Variants in B2M observed in about 807,000 individuals in gnomAD.
B2M encodes beta-2-microglobulin, also known as beta chain of MHC class I molecules.
Under a neutral mutation model 14.5 loss-of-function variants are expected in B2M, and 3 were observed. That is an observed-to-expected ratio of 0.21 (90% CI 0.09 to 0.53). B2M has a LOEUF of 0.53. Ranked by LOEUF, B2M falls within the 20% of genes least tolerant of loss-of-function variation. The pLI is 0.95. For missense variants in B2M, 107 were observed against 140.8 expected (o/e 0.76, Z 1.21); for synonymous variants, 45 against 52.7 (o/e 0.85, Z 0.64).
intron 3 of B2M, 23 bp from the exon 4 acceptor site, chr15:44,717,584 T>C (rs1290387382): frequency 6.6e-6 from 1 of 152,266 alleles, no homozygotes; most frequent in African/African-American, 2.4e-5. Flanking sequence ...AATTCATTGC[T>C]AACCTTTTTC....
Position 44,717,745 on chromosome 15 carries a change from A to G in B2M, c.*153A>G, listed in dbSNP as rs1160201401. On this transcript the variant is annotated 3_prime_UTR_variant, in exon 4 of 4. Coordinates refer to ENST00000648006, the MANE Select transcript of B2M (RefSeq NM_004048.4). Reference sequence around the variant, plus strand: ...TGTTAACATGGACATGATCTTCTTTATAATTCTACTTTGAGTGCTGTCTCC... The same window carrying G: ...TGTTAACATGGACATGATCTTCTTTGTAATTCTACTTTGAGTGCTGTCTCC... The G allele has an allele frequency of 1.3e-5, 2 of 152,200 alleles. No individual in the cohort carries two copies. Among genetic ancestry groups the G allele is most frequent in the African/African-American group, 4.8e-5 (2 of 41,436 alleles). 9.4% of individuals were successfully genotyped at this position (152,200 alleles called of 1,614,324 possible).
chr15:44,715,964 G>A (rs1198573367), intron 2 of B2M: 3 of 617,168 alleles, frequency 4.9e-6, no homozygotes, highest in Non-Finnish European at 5.7e-6. Flanking sequence ...AGCAGCACTT[G>A]CACAAATACA....
At chr15:44,713,728 C>G (rs755415131) in intron 1 of B2M, 3 of 152,148 alleles carry the variant, frequency 2.0e-5, no homozygotes, top group Non-Finnish European at 4.4e-5. Context: ...TTAATATGTT[C>G]TTATTATTAG....
rs2254602 is a variant in B2M at position 44,716,236 on chromosome 15, T to C, written c.347-93T>C. On this transcript the variant is annotated intron_variant, in intron 2 of 3. Transcript: ENST00000648006. ...GAACAGCAGCCTATTCTGCCAGCCTTATTTCTAACCATTTTAGACATTTGT... is the reference window on the plus strand; with the variant it reads ...GAACAGCAGCCTATTCTGCCAGCCTCATTTCTAACCATTTTAGACATTTGT... The C allele has an allele frequency of 4.8e-3, 7,051 of 1,455,826 alleles. 291 individuals are homozygous for C. In the African/African-American group the frequency reaches 0.089, roughly 18 times the overall value. 90.2% of individuals were successfully genotyped at this position (1,455,826 alleles called of 1,614,324 possible).
chr15:44,714,960 G>T, intron 1 of B2M: 1 of 226,336 alleles, frequency 4.4e-6, no homozygotes, highest in South Asian at 5.5e-5. Context: ...GGTGGAAACA[G>T]AGTACAATAA....
In B2M at chr15:44,715,538, G is replaced by C. The variant is rs1370797084; in HGVS notation, c.183G>C (p.Lys61Asn). The change falls in exon 2 of 4, where the codon AAG becomes AAC. Residue 61 changes from lysine (K) to asparagine (N), a missense_variant. Coordinates refer to ENST00000648006, the MANE Select transcript of B2M (RefSeq NM_004048.4). ...HPSDIEVDLL[K>N]NGERIEKVEH... is the part of the protein sequence containing the mutation. ...CCGACATTGAAGTTGACTTACTGAA[G>C]AATGGAGAGAGAATTGAAAAAGTGG... is the stretch of plus-strand genomic sequence containing the variant. The C allele has an allele frequency of 1.9e-6, 3 of 1,614,204 alleles. No homozygotes were observed. The highest frequency in any genetic ancestry group is 3.3e-5 in the Admixed American group (2 of 60,024).
intron 1 of B2M, chr15:44,711,998 C>A (rs777640016): frequency 5.3e-4 from 195 of 367,436 alleles, no homozygotes; most frequent in Non-Finnish European, 9.3e-4. Context: ...CGGGTAGGCT[C>A]GTCCCAAAGG....
At chr15:44,715,756 C>G in intron 2 of B2M, 55 bp downstream of exon 2, 1 of 1,601,484 alleles carries the variant, frequency 6.2e-7, no homozygotes, top group Non-Finnish European at 8.5e-7. Flanking sequence ...GTAGTCATAT[C>G]ATAAAGCTGC....
chr15:44,713,675 G>A (rs2086911981), intron 1 of B2M: 1 of 152,206 alleles, frequency 6.6e-6, no homozygotes, highest in South Asian at 2.1e-4. Context: ...CTCAAACAGA[G>A]AGTTCCAGGC....
chr15:44,713,104 C>T (rs1481225040), intron 1 of B2M: 1 of 151,810 alleles, frequency 6.6e-6, no homozygotes, highest in Non-Finnish European at 1.5e-5. Context: ...AGATGGTTAC[C>T]AAGACTGTTG....
At chr15:44,715,260 G>C in intron 1 of B2M, 163 bp from the exon 2 acceptor site, 1 of 770,530 alleles carries the variant, frequency 1.3e-6, no homozygotes, top group South Asian at 1.5e-5. Context: ...AATGGAGGTG[G>C]CTTGTTGGGA....
rs753806818 is a variant in B2M at position 44,712,054 on chromosome 15, G to A, written c.67+441G>A. ...ACGCGTGGAGGGGCGCTTGGGGTCT[G>A]GGGGAGGCGTCGCCCGGGTAAGCCT... On this transcript the variant is annotated intron_variant, in intron 1 of 3. Transcript: ENST00000648006. 2.3e-5 allele frequency: 6 copies of A among 263,354 alleles called. No homozygotes were observed. The South Asian group carries it at 2.3e-4, about 10-fold the overall frequency. The allele number at this position is 263,354 out of a possible 1,614,324, so 16.3% of individuals were successfully genotyped here.
intron 1 of B2M, chr15:44,714,951 G>A (rs2086925335): frequency 4.3e-5 from 9 of 209,982 alleles, no homozygotes; most frequent in South Asian, 1.3e-4. Context: ...AATGGAAGGG[G>A]TGGAAACAGA....
At chr15:44,717,399 A>G (rs781221433) in intron 3 of B2M, 1 of 152,198 alleles carries the variant, frequency 6.6e-6, no homozygotes, top group Admixed American at 6.5e-5. Context: ...TGACCAAAAC[A>G]TCATATCAGC....
At chr15:44,711,702 T>A (rs1961861366) in intron 1 of B2M, 89 bp downstream of exon 1, 12 of 1,471,236 alleles carry the variant, frequency 8.2e-6, no homozygotes, top group Admixed American at 1.7e-5. Flanking sequence ...CTCCGTGACT[T>A]CCCTTCTCCA....
chr15:44,715,410 C>T lies in B2M; in HGVS notation c.68-13C>T, dbSNP rs149900092. The T allele has an allele frequency of 8.6e-5, 138 of 1,612,278 alleles. 1 individual carries two copies. The African/African-American group carries it at 1.3e-3, about 15-fold the overall frequency. ...CTGGCAATATTAATGTGTCTTTTCC[C>T]GATATTCCTCAGGTACTCCAAAGAT... On this transcript the variant is annotated splice_polypyrimidine_tract_variant and intron_variant, in intron 1 of 3. Coordinates refer to ENST00000648006, the MANE Select transcript of B2M (RefSeq NM_004048.4).
intron 3 of B2M, chr15:44,717,102 T>C (rs1202183589): frequency 2.6e-5 from 4 of 152,216 alleles, no homozygotes; most frequent in African/African-American, 9.7e-5. Flanking sequence ...GTTAGTAAAT[T>C]GTAGAGCCAG....
chr15:44,716,389 T>C, intron 3 of B2M, 33 bp downstream of exon 3: 1 of 1,573,984 alleles, frequency 6.4e-7, no homozygotes, highest in Non-Finnish European at 8.7e-7. Context: ...ATGTTTTTGT[T>C]TCACTGTCCT....
Position 44,717,616 on chromosome 15 carries a change from T to C in B2M, c.*24T>C, listed in dbSNP as rs960693276. 1.3e-5 allele frequency: 2 copies of C among 152,304 alleles called. No homozygotes were observed. The highest frequency in any genetic ancestry group is 2.9e-5 in the Non-Finnish European group (2 of 68,070). The allele number at this position is 152,304 out of a possible 1,614,324, so 9.4% of individuals were successfully genotyped here. A position where few individuals can be genotyped will look rare whatever the true frequency, so the allele number is the denominator to read the frequency against. ...TTTCTTTTCTTTTCAGGTTTGAAGA[T>C]GCCGCATTTGGATTGGATGAATTCC... On this transcript the variant is annotated 3_prime_UTR_variant, in exon 4 of 4. Transcript: ENST00000648006.
Sources: allele counts gnomAD v4.1 joint callset, GRCh38; gene constraint gnomAD v4.1.1; transcripts MANE v1.5; gene names NCBI Gene and HGNC (gene_info 2026-07-23, HGNC 2026-07-21).